Variants in EEFSEC observed in about 807,000 individuals in gnomAD.
The protein encoded by EEFSEC is eukaryotic elongation factor, selenocysteine-tRNA specific.
Under a neutral mutation model 42.1 loss-of-function variants are expected in EEFSEC, and 43 were observed. The observed-to-expected ratio is 1.02, with a 90% CI of 0.80 to 1.32. The LOEUF is 1.32. Among genes scored for constraint, EEFSEC ranks in the 40% most tolerant of loss-of-function variants. The pLI is 0.00. For synonymous variants in EEFSEC, 354 were observed against 339.1 expected (o/e 1.04, Z -0.48); for missense variants, 745 against 803.6 (o/e 0.93, Z 0.88).
chr3:128,153,606 C>T lies in EEFSEC; in HGVS notation c.99C>T (p.Thr33=). 1 of 1,594,264 alleles carries T rather than the reference C, an allele frequency of 6.3e-7. No homozygotes were observed. The highest frequency in any genetic ancestry group is 8.5e-7 in the Non-Finnish European group (1 of 1,176,260). ...GGGCGCTAAGCACCACAGCCTCCAC[C>T]GCCGCCTTTGACAAGCAGCCGCAGA... ...LARALSTTAS[T]AAFDKQPQSR... The change falls in exon 1 of 7, where the codon ACC becomes ACT. Residue 33 remains threonine, a synonymous_variant. Transcript: ENST00000254730.
chr3:128,250,912 T>G (rs1440878465), intron 2 of EEFSEC, among the ~76,000 whole-genome samples: 1 of 4,918 alleles, frequency 2.0e-4, no homozygotes, highest in South Asian at 4.8e-3. Flanking sequence ...TTTTTTTTGG[T>G]TTTTTTTTTT....
chr3:128,288,339 C>T (rs2066608133), intron 4 of EEFSEC, among the ~76,000 whole-genome samples: 1 of 152,162 alleles, frequency 6.6e-6, no homozygotes, highest in Admixed American at 6.5e-5. Context: ...TTCCAGTGTC[C>T]TTTTCACTGT....
At chr3:128,251,702 C>T (rs2066188747) in intron 2 of EEFSEC, among the ~76,000 whole-genome samples, 1 of 151,780 alleles carries the variant, frequency 6.6e-6, no homozygotes, top group Non-Finnish European at 1.5e-5. Flanking sequence ...TTGCTGTTAA[C>T]CCTTCTATCA....
chr3:128,299,163 C>T (rs903362819), intron 4 of EEFSEC, among the ~76,000 whole-genome samples: 104 of 152,104 alleles, frequency 6.8e-4, no homozygotes, highest in Middle Eastern at 3.2e-3. Context: ...CCATAGGAGC[C>T]GTATCAATCT....
the EEFSEC span, among the ~76,000 whole-genome samples, chr3:128,421,237 C>G: frequency 2.0e-5 from 3 of 152,214 alleles, no homozygotes; most frequent in Non-Finnish European, 2.9e-5. Flanking sequence ...AGGCCTGGAG[C>G]CTGCACAACC....
intron 5 of EEFSEC, among the ~76,000 whole-genome samples, chr3:128,353,588 G>A (rs1317890162): frequency 3.3e-5 from 5 of 152,348 alleles, no homozygotes; most frequent in East Asian, 1.9e-4. Flanking sequence ...CCCCTGGGCC[G>A]GACTTCTAGG....
intron 6 of EEFSEC, among the ~76,000 whole-genome samples, chr3:128,397,201 A>G (rs1457279627): frequency 6.6e-6 from 1 of 152,142 alleles, no homozygotes; most frequent in Non-Finnish European, 1.5e-5. Context: ...CCCTCCTTCC[A>G]CAGGAGATGG....
At chr3:128,243,154 G>A (rs1009438922) in intron 1 of EEFSEC, among the ~76,000 whole-genome samples, 2 of 152,192 alleles carry the variant, frequency 1.3e-5, no homozygotes, top group African/African-American at 4.8e-5. Context: ...AAGTCCCTCT[G>A]ACCTCTGGGC....
chr3:128,305,741 G>A (rs2066819048), intron 4 of EEFSEC, among the ~76,000 whole-genome samples: 1 of 151,956 alleles, frequency 6.6e-6, no homozygotes, highest in Admixed American at 6.6e-5. Flanking sequence ...ACTTGCAATT[G>A]CATTTATCTA....
intron 4 of EEFSEC, among the ~76,000 whole-genome samples, chr3:128,277,352 T>TA (rs1351574332): frequency 6.6e-6 from 1 of 152,250 alleles, no homozygotes; most frequent in African/African-American, 2.4e-5. Flanking sequence ...ATGCCTTATT[T>TA]AAAAAAGGCA....
chr3:128,266,398 G>A (rs1245665110), intron 4 of EEFSEC, among the ~76,000 whole-genome samples: 1 of 152,018 alleles, frequency 6.6e-6, no homozygotes, highest in Non-Finnish European at 1.5e-5. Flanking sequence ...CAGCATGGTT[G>A]GATATAGGGA....
At chr3:128,274,528 A>G (rs1205348102) in intron 4 of EEFSEC, among the ~76,000 whole-genome samples, 1 of 152,124 alleles carries the variant, frequency 6.6e-6, no homozygotes, top group African/African-American at 2.4e-5. Flanking sequence ...TAGAAGCCAC[A>G]TGTTGAGGGA....
At chr3:128,156,485 A>T (rs1944383639) in intron 1 of EEFSEC, among the ~76,000 whole-genome samples, 1 of 152,186 alleles carries the variant, frequency 6.6e-6, no homozygotes, top group Non-Finnish European at 1.5e-5. Context: ...ACTTGATTGT[A>T]CTTTGCAGAT....
intron 1 of EEFSEC, among the ~76,000 whole-genome samples, chr3:128,229,778 G>C (rs1391800536): frequency 6.6e-6 from 1 of 152,160 alleles, no homozygotes; most frequent in South Asian, 2.1e-4. Flanking sequence ...TAAAAAATCA[G>C]AGGATCTGGC....
intron 4 of EEFSEC, among the ~76,000 whole-genome samples, chr3:128,266,016 T>C (rs187332312): frequency 6.6e-6 from 1 of 152,334 alleles, no homozygotes; most frequent in Admixed American, 6.5e-5. Flanking sequence ...CAGGGTAGGC[T>C]GGCAGGATTG....
chr3:128,365,323 G>C (rs1012916461), intron 6 of EEFSEC, among the ~76,000 whole-genome samples: 1 of 152,180 alleles, frequency 6.6e-6, no homozygotes, highest in Non-Finnish European at 1.5e-5. Flanking sequence ...CGGGTCAGAC[G>C]AGGCCAAGGT....
chr3:128,214,737 A>G (rs1349818065), intron 1 of EEFSEC, among the ~76,000 whole-genome samples: 1 of 152,230 alleles, frequency 6.6e-6, no homozygotes, highest in African/African-American at 2.4e-5. Context: ...GATGTATGAT[A>G]GGATTATAGA....
intron 6 of EEFSEC, among the ~76,000 whole-genome samples, chr3:128,384,585 C>T (rs896661296): frequency 1.1e-4 from 17 of 152,330 alleles, no homozygotes; most frequent in Middle Eastern, 3.4e-3. Flanking sequence ...TGCACAAGCA[C>T]GCCAGTTGCT....
At chr3:128,327,125 C>T (rs954395339) in intron 4 of EEFSEC, among the ~76,000 whole-genome samples, 1 of 152,192 alleles carries the variant, frequency 6.6e-6, no homozygotes, top group Non-Finnish European at 1.5e-5. Flanking sequence ...TCATGTCACA[C>T]ATCGCCATGT....
Sources: allele counts gnomAD v4.1 joint callset (sites outside exome capture counted in the v4.1 genomes callset), GRCh38; gene constraint gnomAD v4.1.1; transcripts MANE v1.5; gene names NCBI Gene and HGNC (gene_info 2026-07-23, HGNC 2026-07-21).